Variants in USP20 observed in about 807,000 individuals in gnomAD.
The protein encoded by USP20 is ubiquitin specific peptidase 20, also known as ubiquitin carboxyl-terminal hydrolase 20.
USP20 carries 80 observed loss-of-function variants against 124.2 expected under a neutral mutation model. The observed-to-expected ratio is 0.64, with a 90% CI of 0.54 to 0.78. The LOEUF is 0.78. USP20 is among the 30% of genes least tolerant of loss of function. The pLI, the probability that USP20 is intolerant of heterozygous loss-of-function variation, is 0.00. For synonymous variants in USP20, 481 were observed against 512.3 expected (o/e 0.94, Z 0.83); for missense variants, 1,043 against 1,244.4 (o/e 0.84, Z 2.44).
At chr9:129,860,531 A>G (rs1176555628) in intron 6 of USP20, among the ~76,000 whole-genome samples, 2 of 152,124 alleles carry the variant, frequency 1.3e-5, no homozygotes, top group African/African-American at 4.8e-5. Context: ...TGGGAGGATC[A>G]CTGGAGCCCA....
At position 129,853,579 on chromosome 9, in the gene USP20, C is replaced by T. The variant is rs746573763; in HGVS notation, c.81+943C>T. ...GCACCTAATGCTGGTCGCCTGGCCT[C>T]GCTGCACCAGCAGGTCCTTGGTGGC... On this transcript the variant is annotated intron_variant, in intron 3 of 25. Coordinates refer to ENST00000372429, the MANE Select transcript of USP20 (RefSeq NM_001110303.4). Among the ~76,000 whole-genome samples, 9 of 152,338 alleles carry T rather than the reference C, an allele frequency of 5.9e-5. No individual in the cohort carries two copies. In the Middle Eastern group the frequency reaches 0.01, roughly 173 times the overall value.
Position 129,865,293 on chromosome 9 carries a change from C to G in USP20, c.612-10C>G, listed in dbSNP as rs2033768660. 1 of 1,613,932 alleles carries G rather than the reference C, an allele frequency of 6.2e-7. No individual in the cohort carries two copies. The highest frequency in any genetic ancestry group is 1.1e-5 in the South Asian group (1 of 91,088). On this transcript the variant is annotated splice_polypyrimidine_tract_variant and intron_variant, in intron 9 of 25. Coordinates refer to ENST00000372429, the MANE Select transcript of USP20 (RefSeq NM_001110303.4). ...GGCTACCTGGACTAATGGGTTTGGGCTTCCTACAGGCCAAGCTACGTGGTC... is the reference window on the plus strand; with the variant it reads ...GGCTACCTGGACTAATGGGTTTGGGGTTCCTACAGGCCAAGCTACGTGGTC...
At chr9:129,878,940 G>C (rs1386702002) in intron 23 of USP20, among the ~76,000 whole-genome samples, 1 of 152,348 alleles carries the variant, frequency 6.6e-6, no homozygotes, top group African/African-American at 2.4e-5. Flanking sequence ...CTGTGGCTCC[G>C]GGGCCCGGCA....
chr9:129,836,022 ACTC>A (rs750554723), intron 1 of USP20, among the ~76,000 whole-genome samples: 13 of 148,882 alleles, frequency 8.7e-5, no homozygotes, highest in East Asian at 8.0e-4. Flanking sequence ...GAGCCGGGGG[ACTC>A]CTCCTCGGTG....
chr9:129,875,394 C>T lies in USP20; in HGVS notation c.2133C>T (p.Tyr711=), dbSNP rs778913001. The T allele has an allele frequency of 1.5e-5, 25 of 1,613,436 alleles. No individual in the cohort carries two copies. In the East Asian group the frequency reaches 2.9e-4, roughly 19 times the overall value. Residue 711 remains tyrosine (Y), a synonymous_variant, in exon 20 of 26, where the codon TAC becomes TAT. Coordinates refer to ENST00000372429, the MANE Select transcript of USP20 (RefSeq NM_001110303.4). ...AMREPSLLRF[Y]VSREWLNKFN... ...GGGAGCCCAGCCTGCTGCGGTTCTA[C>T]GTGTCCCGCGAGTGGCTCAACAAGT... is the stretch of plus-strand genomic sequence containing the variant.
chr9:129,845,359 A>G (rs1022350669), intron 1 of USP20, among the ~76,000 whole-genome samples: 1 of 152,078 alleles, frequency 6.6e-6, no homozygotes, highest in African/African-American at 2.4e-5. Flanking sequence ...TTATTTTCTT[A>G]TTTTGGAAAC....
At chr9:129,854,854 T>A (rs1015033600) in intron 3 of USP20, among the ~76,000 whole-genome samples, 2 of 152,128 alleles carry the variant, frequency 1.3e-5, no homozygotes, top group Non-Finnish European at 2.9e-5. Context: ...TTCAACCCCA[T>A]GTTCAGGCTT....
At chr9:129,854,972 G>T (rs4240438) in intron 3 of USP20, among the ~76,000 whole-genome samples, 1 of 152,070 alleles carries the variant, frequency 6.6e-6, no homozygotes, top group African/African-American at 2.4e-5. Flanking sequence ...CTTGGTGAGA[G>T]GTTTGTGACC....
At chr9:129,870,608 G>A (rs1164714227) in intron 15 of USP20, 61 bp downstream of exon 15, 1 of 1,567,840 alleles carries the variant, frequency 6.4e-7, no homozygotes, top group African/African-American at 1.4e-5. Flanking sequence ...GGGATGTGCA[G>A]ACCCCAGCAG....
At position 129,860,923 on chromosome 9, in the gene USP20, G is replaced by T. The variant is rs780410139; in HGVS notation, c.331-14G>T. 6.2e-7 allele frequency: 1 copy of T among 1,613,478 alleles called. No homozygotes were observed. Among genetic ancestry groups the T allele is most frequent in the Admixed American group, 1.7e-5 (1 of 59,994 alleles). On this transcript the variant is annotated splice_polypyrimidine_tract_variant and intron_variant, in intron 6 of 25. Transcript: ENST00000372429. Reference sequence around the variant, plus strand: ...TCTGTTCACTGTTTTCCTCACTTTGGGTCTTTAACACAGGACTCCCCGCCA... The same window carrying T: ...TCTGTTCACTGTTTTCCTCACTTTGTGTCTTTAACACAGGACTCCCCGCCA...
intron 7 of USP20, 102 bp downstream of exon 7, chr9:129,861,135 A>G (rs2033526297): frequency 1.8e-6 from 2 of 1,088,502 alleles, no homozygotes; most frequent in African/African-American, 1.6e-5. Context: ...CACCTGCTAT[A>G]TGGGCAAGGA....
At position 129,880,242 on chromosome 9, in the gene USP20, A is replaced by G. The variant is rs752410628; in HGVS notation, c.2714A>G (p.Gln905Arg). ...GGCCCAGAGAACCTGCACGGGGAGC[A>G]GAAGATCGAAGCCGAGACGCGGGCC... ...PLGPENLHGEQKIEAETRAV is the reference protein window; with the variant it reads ...PLGPENLHGERKIEAETRAV Residue 905 changes from glutamine to arginine, a missense_variant, in exon 25 of 26, where the codon CAG becomes CGG. Gln to Arg is a conservative substitution (Grantham distance 43). Coordinates refer to ENST00000372429, the MANE Select transcript of USP20 (RefSeq NM_001110303.4). 3.1e-6 allele frequency: 5 copies of G among 1,611,042 alleles called. No individual in the cohort carries two copies. Among genetic ancestry groups the G allele is most frequent in the Non-Finnish European group, 4.2e-6 (5 of 1,179,136 alleles).
Position 129,873,682 on chromosome 9 carries a change from T to C in USP20, c.1695-17T>C. On this transcript the variant is annotated splice_polypyrimidine_tract_variant and intron_variant, in intron 16 of 25. Coordinates refer to ENST00000372429, the MANE Select transcript of USP20 (RefSeq NM_001110303.4). ...CCTGATGCCGGACACTGATGCTGGC[T>C]CGTGCTTCCTCCCCAGGCTGCGGAA... The C allele has an allele frequency of 6.2e-7, 1 of 1,613,728 alleles. No homozygotes were observed. The highest frequency in any genetic ancestry group is 8.5e-7 in the Non-Finnish European group (1 of 1,180,030).
intron 6 of USP20, among the ~76,000 whole-genome samples, chr9:129,858,933 T>G (rs2033366324): frequency 6.6e-6 from 1 of 152,106 alleles, no homozygotes; most frequent in South Asian, 2.1e-4. Flanking sequence ...CCAGGCCTTA[T>G]GGAGAGGGTT....
At chr9:129,878,106 TCAAA>T (rs1027370714) in intron 22 of USP20, among the ~76,000 whole-genome samples, 8 of 152,102 alleles carry the variant, frequency 5.3e-5, no homozygotes, top group Non-Finnish European at 1.0e-4. Context: ...CTCAGTTGGG[TCAAA>T]CAGTTATTGA....
intron 17 of USP20, among the ~76,000 whole-genome samples, chr9:129,873,962 ATGT>A (rs755640099): frequency 2.7e-4 from 41 of 152,056 alleles, no homozygotes; most frequent in Non-Finnish European, 5.4e-4. Context: ...GCCTCAGCAC[ATGT>A]TGTCTAACAT....
At chr9:129,870,572 C>T (rs781171731) in intron 15 of USP20, 25 bp downstream of exon 15, 30 of 1,612,700 alleles carry the variant, frequency 1.9e-5, no homozygotes, top group African/African-American at 4.0e-5. Flanking sequence ...TGGCAAGGGT[C>T]GGGGAGGTGG....
At chr9:129,840,094 G>C (rs368789991) in intron 1 of USP20, among the ~76,000 whole-genome samples, 1 of 151,564 alleles carries the variant, frequency 6.6e-6, no homozygotes, top group Non-Finnish European at 1.5e-5. Context: ...CCGGGAGGGC[G>C]GGGCACACGC....
chr9:129,852,658 G>A (rs1411986555), intron 3 of USP20, 22 bp downstream of exon 3: 1 of 1,566,768 alleles, frequency 6.4e-7, no homozygotes, highest in East Asian at 2.3e-5. Context: ...GACCTTACGG[G>A]GCCAGGGCCC....
Sources: gnomAD v4.1 joint callset for allele counts (sites outside exome capture counted in the v4.1 genomes callset) on GRCh38, gnomAD v4.1.1 for gene constraint, MANE v1.5 for transcripts, NCBI Gene and HGNC (gene_info 2026-07-23, HGNC 2026-07-21) for gene names.